Variants in MOBP observed in about 807,000 individuals in gnomAD.
MOBP encodes myelin-associated oligodendrocyte basic protein.
Under a neutral mutation model 15.0 loss-of-function variants are expected in MOBP, and 5 were observed. The observed-to-expected ratio is 0.33, with a 90% CI of 0.17 to 0.70. MOBP has a LOEUF of 0.70. MOBP is among the 30% of genes least tolerant of loss of function. The pLI is 0.67. For missense variants in MOBP, 188 were observed against 257.8 expected (o/e 0.73, Z 1.85); for synonymous variants, 88 against 99.0 (o/e 0.89, Z 0.66).
chr3:39,502,828 G>T lies in MOBP; in HGVS notation c.500G>T (p.Gly167Val). 1 of 1,523,170 alleles carries T rather than the reference G, an allele frequency of 6.6e-7. No individual in the cohort carries two copies. The allele number at this position is 1,523,170 out of a possible 1,614,324, so 94.4% of individuals were successfully genotyped here. Residue 167 changes from glycine to valine, a missense_variant, in exon 4 of 4, where the codon GGG (glycine) becomes GTG (valine). Gly to Val is a moderately radical substitution (Grantham distance 109). This residue lies in a region of MOBP where 55 missense variants were observed against 45.2 expected (regional missense o/e 1.22). Coordinates refer to ENST00000684792, the MANE Select transcript of MOBP (RefSeq NM_001393704.1). This position sits in a 1 kb window ranked among gnomAD's most constrained non-coding sequence, Gnocchi z 6.3. ...CAGCCGCGCAGCAGCCCCCTCAGAG[G>T]GCCAGGCGCCAGCCGTGGGGGGTCC... ...KQQPRSSPLRGPGASRGGSPV... is the reference protein window; with the variant it reads ...KQQPRSSPLRVPGASRGGSPV...
At chr3:39,523,412 G>A (rs1472067386) in intron 3 of MOBP, among the ~76,000 whole-genome samples, 3 of 152,014 alleles carry the variant, frequency 2.0e-5, no homozygotes, top group Non-Finnish European at 4.4e-5. Context: ...GAATCAACTT[G>A]TAAATTTCTA....
At chr3:39,492,455 T>C (rs2042811976) in intron 2 of MOBP, among the ~76,000 whole-genome samples, 1 of 152,218 alleles carries the variant, frequency 6.6e-6, no homozygotes, top group Admixed American at 6.5e-5. Context: ...CAGCTAGAAG[T>C]GACCAGGCCA....
At chr3:39,495,703 T>A (rs1266117474) in intron 2 of MOBP, among the ~76,000 whole-genome samples, 2 of 136,368 alleles carry the variant, frequency 1.5e-5, no homozygotes, top group African/African-American at 5.6e-5. Flanking sequence ...CAGTGAACTG[T>A]GATTGCACCA....
chr3:39,506,652 G>T (rs2043051758), downstream of MOBP, among the ~76,000 whole-genome samples: 1 of 152,112 alleles, frequency 6.6e-6, no homozygotes, highest in African/African-American at 2.4e-5. Context: ...TCAAGGATGG[G>T]GGCATTCATT....
chr3:39,514,876 A>G (rs1039124845), exon 5 of MOBP: 5 of 152,424 alleles, frequency 3.3e-5, no homozygotes, highest in South Asian at 4.2e-4. Flanking sequence ...CATCCCCTAC[A>G]CACAAACACA....
chr3:39,475,185 A>G (rs1381303096), intron 1 of MOBP, among the ~76,000 whole-genome samples: 1 of 152,122 alleles, frequency 6.6e-6, no homozygotes, highest in Non-Finnish European at 1.5e-5. Flanking sequence ...ATTTTTCTGA[A>G]GTCTTCTCAT....
intron 1 of MOBP, among the ~76,000 whole-genome samples, chr3:39,470,390 C>G (rs1237645473): frequency 6.6e-6 from 1 of 152,122 alleles, no homozygotes; most frequent in Non-Finnish European, 1.5e-5. Context: ...GTCTTCTCAA[C>G]AAAATCTGTG....
At chr3:39,489,034 G>A (rs1708112) in intron 2 of MOBP, among the ~76,000 whole-genome samples, 45,322 of 151,962 alleles carry the variant, frequency 0.3, 9,141 homozygotes, top group African/African-American at 0.57. Context: ...CTCATGCCTT[G>A]CCCCTAGCCT....
rs1238217226 is a variant in MOBP, at chr3:39,502,251, T to C, written c.182T>C (p.Ile61Thr). ...TACCAGAAGAAAGAGGAGGACTGGA[T>C]CTGCTGCGCCTGCCAGAAGACCAGG... is the stretch of plus-strand genomic sequence containing the variant. ...CFYQKKEEDW[I>T]CCACQKTRTS... The change falls in exon 3 of 4, where the codon ATC becomes ACC. Residue 61 changes from isoleucine to threonine, a missense_variant. Ile to Thr is a moderately conservative substitution (Grantham distance 89, BLOSUM62 -1). This residue lies in a region of MOBP where 133 missense variants were observed against 212.5 expected (regional missense o/e 0.63). Transcript: ENST00000684792. This position sits in a 1 kb window ranked among gnomAD's most constrained non-coding sequence, Gnocchi z 6.3. The C allele has an allele frequency of 2.5e-6, 4 of 1,614,144 alleles. No individual in the cohort carries two copies. The highest frequency in any genetic ancestry group is 3.4e-6 in the Non-Finnish European group (4 of 1,180,028).
At chr3:39,504,772 G>A (rs377639121), downstream of MOBP, among the ~76,000 whole-genome samples, 29 of 152,320 alleles carry the variant, frequency 1.9e-4, no homozygotes, top group South Asian at 6.0e-3. Flanking sequence ...TGAATCAAAG[G>A]AGTGGGAGGC....
chr3:39,478,911 CCCTCA>C (rs2042582827), intron 1 of MOBP, among the ~76,000 whole-genome samples: 1 of 151,566 alleles, frequency 6.6e-6, no homozygotes, highest in Admixed American at 6.6e-5. Context: ...CTCACTGCAA[CCCTCA>C]CCTCCCGGGT....
intron 2 of MOBP, among the ~76,000 whole-genome samples, chr3:39,493,163 G>A (rs1436665022): frequency 2.0e-5 from 3 of 152,130 alleles, no homozygotes; most frequent in African/African-American, 4.8e-5. Context: ...AAGGAGGAAG[G>A]GTGGGAAGAA....
intron 2 of MOBP, among the ~76,000 whole-genome samples, chr3:39,494,434 A>T (rs972862812): frequency 1.8e-4 from 27 of 150,238 alleles, no homozygotes; most frequent in Non-Finnish European, 3.8e-4. Flanking sequence ...TTATATGGAA[A>T]CCTGGAGAAG....
At chr3:39,525,146 T>C (rs1337432266), downstream of MOBP, 2 of 152,152 alleles carry the variant, frequency 1.3e-5, no homozygotes, top group African/African-American at 4.8e-5. Flanking sequence ...TAATTCCTGG[T>C]TTGAAGAAAT....
intron 4 of MOBP, among the ~76,000 whole-genome samples, chr3:39,511,434 A>G (rs543710639): frequency 6.6e-6 from 1 of 152,220 alleles, no homozygotes; most frequent in African/African-American, 2.4e-5. Flanking sequence ...TATATAGGAC[A>G]TGACTTTTGT....
At chr3:39,510,383 A>G (rs572542178) in intron 4 of MOBP, among the ~76,000 whole-genome samples, 12 of 152,274 alleles carry the variant, frequency 7.9e-5, no homozygotes, top group Non-Finnish European at 1.8e-4. Flanking sequence ...GGATTTTGAA[A>G]GGAGCTGTGT....
intron 1 of MOBP, among the ~76,000 whole-genome samples, chr3:39,473,996 A>G (rs2042505953): frequency 6.6e-6 from 1 of 152,212 alleles, no homozygotes; most frequent in African/African-American, 2.4e-5. Context: ...TGGAAATACC[A>G]GTCCAAGGTA....
At chr3:39,508,817 G>T (rs1183100072) in intron 4 of MOBP, among the ~76,000 whole-genome samples, 1 of 152,006 alleles carries the variant, frequency 6.6e-6, no homozygotes, top group Non-Finnish European at 1.5e-5. Flanking sequence ...AAAGTGCTGG[G>T]ATTACAGGCA....
intron 2 of MOBP, among the ~76,000 whole-genome samples, chr3:39,500,475 G>T (rs2042953390): frequency 6.6e-6 from 1 of 152,180 alleles, no homozygotes; most frequent in Admixed American, 6.5e-5. Flanking sequence ...AGAGATAGAG[G>T]AGGAGATCTA....
Sources: allele counts gnomAD v4.1 joint callset (sites outside exome capture counted in the v4.1 genomes callset), GRCh38; gene constraint gnomAD v4.1.1; regional missense constraint gnomAD v4.1.1; non-coding constraint Gnocchi (gnomAD v3.1); transcripts MANE v1.5; gene names NCBI Gene and HGNC (gene_info 2026-07-23, HGNC 2026-07-21).